The following BLM variants were observed in gnomAD, a reference collection of about 807,000 sequenced individuals.
The protein encoded by BLM is recQ-like DNA helicase BLM.
In BLM, 95 loss-of-function variants were observed where a neutral mutation model predicts 135.3. The observed-to-expected ratio is 0.70, with a 90% CI of 0.59 to 0.83. The LOEUF (loss-of-function observed/expected upper bound fraction) is 0.83. Among genes scored for constraint, BLM ranks in the 40% least tolerant of loss-of-function variants. The pLI, the probability that BLM is intolerant of heterozygous loss-of-function variation, is 0.00. For synonymous variants in BLM, 520 were observed against 589.2 expected, an observed-to-expected ratio of 0.88 and a Z score of 1.70; for missense variants, 1,518 against 1,663.9, an observed-to-expected ratio of 0.91 and a Z score of 1.53.
chr15:90,751,044 G>A (rs16944775), intron 3 of BLM, among the ~76,000 whole-genome samples: 10,646 of 152,186 alleles, frequency 0.07, 672 homozygotes, highest in African/African-American at 0.17. Flanking sequence ...TGTATAATGT[G>A]CTCTAATTGC....
intron 16 of BLM, among the ~76,000 whole-genome samples, chr15:90,795,686 G>T (rs537579669): frequency 9.9e-5 from 15 of 152,220 alleles, no homozygotes; most frequent in Non-Finnish European, 1.6e-4. Flanking sequence ...AGGAATTTGG[G>T]ATACATCACT....
chr15:90,737,247 T>C (rs992065700), intron 1 of BLM, among the ~76,000 whole-genome samples: 10 of 151,934 alleles, frequency 6.6e-5, no homozygotes, highest in African/African-American at 2.4e-4. Context: ...ATTGAATAAA[T>C]GAATAAATAT....
At chr15:90,734,920 C>T (rs1895171007) in intron 1 of BLM, among the ~76,000 whole-genome samples, 1 of 151,782 alleles carries the variant, frequency 6.6e-6, no homozygotes, top group African/African-American at 2.4e-5. Flanking sequence ...TAATATTGTC[C>T]CTACTTGCAG....
At chr15:90,781,859 A>G (rs1426469885) in intron 12 of BLM, among the ~76,000 whole-genome samples, 1 of 152,158 alleles carries the variant, frequency 6.6e-6, no homozygotes, top group Non-Finnish European at 1.5e-5. Context: ...TTTCCTTAAT[A>G]TTTTAAATAA....
At chr15:90,806,812 C>T (rs1222012130) in intron 19 of BLM, among the ~76,000 whole-genome samples, 1 of 152,204 alleles carries the variant, frequency 6.6e-6, no homozygotes, top group Non-Finnish European at 1.5e-5. Flanking sequence ...GATAATCGGT[C>T]ATTACAATAT....
intron 1 of BLM, among the ~76,000 whole-genome samples, chr15:90,737,263 G>A (rs754010036): frequency 2.5e-4 from 38 of 151,518 alleles, no homozygotes; most frequent in Non-Finnish European, 4.7e-4. Flanking sequence ...AATATATGAT[G>A]GTTTTTTCTA....
At chr15:90,744,790 C>T (rs919657861) in intron 1 of BLM, among the ~76,000 whole-genome samples, 6 of 152,176 alleles carry the variant, frequency 3.9e-5, no homozygotes, top group Admixed American at 3.9e-4. Context: ...TGGCTCACAC[C>T]TGCAATCCCA....
rs1266852022 is a variant in BLM at position 90,739,566 on chromosome 15, A to G, written c.-4-7823A>G. 7.9e-5 allele frequency among the ~76,000 whole-genome samples: 12 copies of G among 152,296 alleles called. 1 individual carries two copies. In the East Asian group the frequency reaches 2.1e-3, roughly 27 times the overall value. ...CTGACACATGTCTCACAACATAGAT[A>G]AAGCTTGAGAACACTGTGCTGAGTG... On this transcript the variant is annotated intron_variant, in intron 1 of 21. Coordinates refer to ENST00000355112, the MANE Select transcript of BLM (RefSeq NM_000057.4).
At chr15:90,786,134 C>T (rs1431898522) in intron 14 of BLM, among the ~76,000 whole-genome samples, 3 of 151,394 alleles carry the variant, frequency 2.0e-5, no homozygotes, top group Non-Finnish European at 2.9e-5. Flanking sequence ...GGACGACAGG[C>T]GCACCACTAT....
chr15:90,760,391 A>G, intron 6 of BLM, 112 bp downstream of exon 6: 1 of 1,409,696 alleles, frequency 7.1e-7, no homozygotes, highest in Non-Finnish European at 1.0e-6. Context: ...TGGCATAAGG[A>G]TGATCATCAT....
At position 90,717,437 on chromosome 15, in the gene BLM, C is replaced by T. The variant is rs1426225286; in HGVS notation, c.-8C>T. The stretch of plus-strand genomic sequence containing the variant: ...GTTCCGTCCGCTAGGAGTCTGCGTG[C>T]GAGGTGAGTACCGCGCGCGTAACTA... On this transcript the variant is annotated 5_prime_UTR_variant, in exon 1 of 22. Coordinates refer to ENST00000355112, the MANE Select transcript of BLM (RefSeq NM_000057.4). 2 of 152,296 alleles carry T rather than the reference C, an allele frequency of 1.3e-5. No homozygotes were observed. The highest frequency in any genetic ancestry group is 2.9e-5 in the Non-Finnish European group (2 of 68,100). The allele number at this position is 152,296 out of a possible 1,614,324, so 9.4% of individuals were successfully genotyped here.
intron 17 of BLM, among the ~76,000 whole-genome samples, chr15:90,803,304 T>C (rs1334949514): frequency 6.6e-6 from 1 of 152,188 alleles, no homozygotes; most frequent in Non-Finnish European, 1.5e-5. Flanking sequence ...TTTTTGTCCA[T>C]GTGTATTGTA....
At chr15:90,726,084 T>G (rs1894907560) in intron 1 of BLM, among the ~76,000 whole-genome samples, 1 of 152,168 alleles carries the variant, frequency 6.6e-6, no homozygotes, top group Non-Finnish European at 1.5e-5. Flanking sequence ...TGTATAATGA[T>G]CAGATCAGGG....
intron 6 of BLM, 90 bp downstream of exon 6, chr15:90,760,369 C>T (rs1895940859): frequency 1.3e-6 from 2 of 1,546,588 alleles, no homozygotes; most frequent in East Asian, 4.5e-5. Context: ...TTCAGGCTTT[C>T]TGGCCTGGAA....
chr15:90,776,800 A>G (rs959294966), intron 12 of BLM, among the ~76,000 whole-genome samples: 9 of 152,110 alleles, frequency 5.9e-5, no homozygotes, highest in Non-Finnish European at 1.2e-4. Flanking sequence ...CCGGCCTCCC[A>G]AAGTGCTGGG....
chr15:90,752,795 GGTAGA>G (rs1200810545), intron 4 of BLM, among the ~76,000 whole-genome samples: 3 of 152,184 alleles, frequency 2.0e-5, no homozygotes, highest in African/African-American at 7.2e-5. Flanking sequence ...CCAGTTGAGT[GGTAGA>G]GTATAGTATA....
intron 21 of BLM, among the ~76,000 whole-genome samples, chr15:90,813,340 C>T (rs2096373187): frequency 6.6e-6 from 1 of 152,216 alleles, no homozygotes; most frequent in Admixed American, 6.5e-5. Flanking sequence ...AAAGCTCACA[C>T]TTGTACCCAT....
intron 1 of BLM, among the ~76,000 whole-genome samples, chr15:90,733,960 A>G (rs1007354309): frequency 7.9e-5 from 12 of 152,220 alleles, no homozygotes; most frequent in Non-Finnish European, 1.5e-5. Context: ...AAGCAAGTAT[A>G]AAACAAATAT....
At chr15:90,742,014 C>CTA (rs1895375986) in intron 1 of BLM, among the ~76,000 whole-genome samples, 1 of 151,948 alleles carries the variant, frequency 6.6e-6, no homozygotes, top group Admixed American at 6.6e-5. Context: ...CTGTGTGATT[C>CTA]TATATATATG....
Sources: allele counts gnomAD v4.1 joint callset (sites outside exome capture counted in the v4.1 genomes callset), GRCh38; gene constraint gnomAD v4.1.1; transcripts MANE v1.5; gene names NCBI Gene and HGNC (gene_info 2026-07-23, HGNC 2026-07-21).